Variants in BICDL2 observed in about 807,000 individuals in gnomAD.
BICDL2 encodes the protein BICD family like cargo adaptor 2.
Under a neutral mutation model 56.6 loss-of-function variants are expected in BICDL2, and 62 were observed. The observed-to-expected ratio is 1.10, with a 90% CI of 0.89 to 1.35. BICDL2 has a LOEUF of 1.35. BICDL2 is among the 40% of genes most tolerant of loss of function. BICDL2 has a pLI of 0.00. For synonymous variants in BICDL2, 358 were observed against 319.8 expected, an observed-to-expected ratio of 1.12 and a Z score of -1.27; for missense variants, 808 against 684.5, an observed-to-expected ratio of 1.18 and a Z score of -2.01.
chr16:3,034,783 G>A (rs1302934569), intron 2 of BICDL2: 2 of 159,726 alleles, frequency 1.3e-5, no homozygotes, highest in African/African-American at 2.5e-5. Context: ...ATAGCTTACT[G>A]CAGCCTCAAA....
intron 1 of BICDL2, chr16:3,036,493 G>A (rs748700642): frequency 2.2e-6 from 1 of 456,122 alleles, no homozygotes; most frequent in Non-Finnish European, 4.4e-6. Context: ...TCCTCCTCTC[G>A]CCCGGTGTCC....
Position 3,030,718 on chromosome 16 carries a change from C to CGCGT in BICDL2, c.589_592dup (p.Arg198HisfsTer29). The CGCGT allele has an allele frequency of 6.2e-7, 1 of 1,612,234 alleles. No homozygotes were observed. Among genetic ancestry groups the CGCGT allele is most frequent in the South Asian group, 1.1e-5 (1 of 91,006 alleles). On this transcript the variant is annotated frameshift_variant, in exon 4 of 10. Coordinates refer to ENST00000572449, the MANE Select transcript of BICDL2 (RefSeq NM_001369667.1). LOFTEE classifies it high-confidence loss of function. Reference sequence around the variant, plus strand: ...CACTTCCCCCTGCAGACTCTCCAGCCGCGTCCTCAGCTCTGCTCCAGCCAG... The same window carrying CGCGT: ...CACTTCCCCCTGCAGACTCTCCAGCCGCGTGCGTCCTCAGCTCTGCTCCAGCCAG...
chr16:3,034,085 A>G (rs958712629), intron 2 of BICDL2, among the ~76,000 whole-genome samples: 1 of 152,154 alleles, frequency 6.6e-6, no homozygotes, highest in Admixed American at 6.5e-5. Flanking sequence ...GGCAGAGGGA[A>G]CTGTTCCTAC....
rs749924516 is a variant in BICDL2, at chr16:3,030,816, G to T, written c.499-4C>A. ...GTTCCTGCTCAGTCTGGGAGGCCTG[G>T]GGAGGTGGAAAGAGGGACAGAGGAG... On this transcript the variant is annotated splice_polypyrimidine_tract_variant and splice_region_variant and intron_variant, in intron 3 of 9. Coordinates refer to ENST00000572449, the MANE Select transcript of BICDL2 (RefSeq NM_001369667.1). 6.2e-7 allele frequency: 1 copy of T among 1,603,702 alleles called. No individual in the cohort carries two copies. Among genetic ancestry groups the T allele is most frequent in the South Asian group, 1.1e-5 (1 of 89,774 alleles).
At chr16:3,031,379 TG>T in intron 2 of BICDL2, 3 of 578,264 alleles carry the variant, frequency 5.2e-6, no homozygotes, top group Non-Finnish European at 9.3e-6. Flanking sequence ...GGGCAAGGGT[TG>T]GGGTGGGGGG....
At chr16:3,034,692 C>T (rs1018291296) in intron 2 of BICDL2, among the ~76,000 whole-genome samples, 4 of 115,402 alleles carry the variant, frequency 3.5e-5, no homozygotes, top group African/African-American at 1.4e-4. Context: ...TTCCTTCCTT[C>T]CCCTTCCTTC....
At chr16:3,036,282 C>T (rs1322428496) in intron 1 of BICDL2, 8 of 452,342 alleles carry the variant, frequency 1.8e-5, no homozygotes, top group Admixed American at 1.5e-4. Context: ...ACAGGTTGTG[C>T]CGGCCGCCCG....
chr16:3,028,445 A>T lies in BICDL2; in HGVS notation c.1262T>A (p.Leu421His). ...GTCTCGCTCCAGCGAGACGCGGTTGAGCTGCAGGGACAGCTCCAGGGCCCT... is the reference window on the plus strand; with the variant it reads ...GTCTCGCTCCAGCGAGACGCGGTTGTGCTGCAGGGACAGCTCCAGGGCCCT... ...VNKALELSLQ[L>H]NRVSLERDSL... is the part of the protein sequence containing the mutation. The change falls in exon 9 of 10, where the codon CTC becomes CAC. Residue 421 changes from leucine to histidine, a missense_variant. Transcript: ENST00000572449. 1 of 1,567,228 alleles carries T rather than the reference A, an allele frequency of 6.4e-7. No homozygotes were observed. The highest frequency in any genetic ancestry group is 8.6e-7 in the Non-Finnish European group (1 of 1,165,294).
At chr16:3,028,668 G>C in intron 8 of BICDL2, 32 bp downstream of exon 8, 2 of 1,558,700 alleles carry the variant, frequency 1.3e-6, no homozygotes, top group Admixed American at 1.9e-5. Flanking sequence ...CCCAGAGGGC[G>C]CTGGGGCGGT....
chr16:3,031,462 C>T (rs771568102), intron 2 of BICDL2: 11 of 531,678 alleles, frequency 2.1e-5, no homozygotes, highest in East Asian at 8.9e-5. Flanking sequence ...CCGTTTTTGG[C>T]GCCTGAGTCT....
In BICDL2 at chr16:3,029,748, G is replaced by C. The variant is rs751563787; in HGVS notation, c.763-9C>G. On this transcript the variant is annotated splice_polypyrimidine_tract_variant and intron_variant, in intron 5 of 9. Coordinates refer to ENST00000572449, the MANE Select transcript of BICDL2 (RefSeq NM_001369667.1). ...GACCGTGCGCGTTCCAGCTGTGGAC[G>C]GTCCCGCAGACGGAAGCGCGGGCGG... 4.1e-6 allele frequency: 6 copies of C among 1,466,920 alleles called. No individual in the cohort carries two copies. The African/African-American group carries it at 4.5e-5, about 11-fold the overall frequency. The allele number at this position is 1,466,920 out of a possible 1,614,324, so 90.9% of individuals were successfully genotyped here. A position where few individuals can be genotyped will look rare whatever the true frequency, so the allele number is the denominator to read the frequency against.
At chr16:3,036,537 C>A (rs1447007371) in intron 1 of BICDL2, 5 of 454,954 alleles carry the variant, frequency 1.1e-5, no homozygotes, top group East Asian at 7.0e-5. Flanking sequence ...GTGAGTGTCA[C>A]GGTGGTCCCA....
chr16:3,036,740 C>A (rs996610578), intron 1 of BICDL2, 154 bp downstream of exon 1: 14 of 405,922 alleles, frequency 3.4e-5, no homozygotes, highest in Non-Finnish European at 5.8e-5. Context: ...GGGCTCACCC[C>A]CGACGGCTGA....
chr16:3,028,253 G>T lies in BICDL2; in HGVS notation c.1380C>A (p.Ile460=). 1 of 1,477,310 alleles carries T rather than the reference G, an allele frequency of 6.8e-7. No individual in the cohort carries two copies. The highest frequency in any genetic ancestry group is 8.9e-7 in the Non-Finnish European group (1 of 1,126,902). The allele number at this position is 1,477,310 out of a possible 1,614,324, so 91.5% of individuals were successfully genotyped here. A position where few individuals can be genotyped will look rare whatever the true frequency, so the allele number is the denominator to read the frequency against. ...EAWQDDMQVV[I]GQQLRSQRQK... ...GGCGCTGTGAGCGCAGCTGCTGCCC[G>T]ATCACCACCTGCATGTCGTCCTGCG... Residue 460 remains isoleucine (I), a synonymous_variant, in exon 10 of 10, where the codon ATC becomes ATA. Transcript: ENST00000572449.
rs61747753 is a variant in BICDL2, at chr16:3,031,048, G to T, written c.385C>A (p.Arg129=). The stretch of plus-strand genomic sequence containing the variant: ...GAGCGCTGCTCCCCAAGCTGGGCCC[G>T]CAGGGCCTCCACGTCCCCCTCCAGC... ...VELEGDVEAL[R]AQLGEQRSEQ... The change falls in exon 3 of 10, where the codon CGG becomes AGG. Residue 129 remains arginine, a synonymous_variant. Coordinates refer to ENST00000572449, the MANE Select transcript of BICDL2 (RefSeq NM_001369667.1). 2.6e-6 allele frequency: 4 copies of T among 1,540,148 alleles called. No homozygotes were observed. The highest frequency in any genetic ancestry group is 3.5e-6 in the Non-Finnish European group (4 of 1,148,300).
At chr16:3,035,867 G>A (rs535629631) in intron 1 of BICDL2, 74 of 314,732 alleles carry the variant, frequency 2.4e-4, no homozygotes, top group African/African-American at 1.5e-3. Flanking sequence ...GTAGCCCCTC[G>A]CCATCTGAGA....
chr16:3,028,169 G>C lies in BICDL2; in HGVS notation c.1464C>G (p.Phe488Leu), dbSNP rs1454396321. ...SSTPRRAAPR[F>L]SLRLGPGPAG... ...CGGGCCCGGGGCCCAGGCGCAGCGA[G>C]AAGCGGGGCGCGGCACGGCGCGGGG... The change falls in exon 10 of 10, where the codon TTC (phenylalanine) becomes TTG (leucine). Residue 488 changes from phenylalanine (F) to leucine (L), a missense_variant. Coordinates refer to ENST00000572449, the MANE Select transcript of BICDL2 (RefSeq NM_001369667.1). 2.1e-6 allele frequency: 3 copies of C among 1,450,418 alleles called. No homozygotes were observed. Among genetic ancestry groups the C allele is most frequent in the Admixed American group, 6.3e-5 (2 of 31,846 alleles). 89.8% of individuals were successfully genotyped at this position (1,450,418 alleles called of 1,614,324 possible).
At chr16:3,033,764 G>A (rs1257903502) in intron 2 of BICDL2, among the ~76,000 whole-genome samples, 2 of 151,588 alleles carry the variant, frequency 1.3e-5, no homozygotes, top group Non-Finnish European at 2.9e-5. Context: ...TATAGCCTGG[G>A]TGACAGAGGG....
At chr16:3,036,069 C>A (rs1227912812) in intron 1 of BICDL2, 13 of 335,238 alleles carry the variant, frequency 3.9e-5, no homozygotes, top group Non-Finnish European at 7.6e-5. Context: ...TCTCCTGCTA[C>A]CTCCTGAGCA....
Sources: allele counts gnomAD v4.1 joint callset (sites outside exome capture counted in the v4.1 genomes callset), GRCh38; gene constraint gnomAD v4.1.1; transcripts MANE v1.5; gene names NCBI Gene and HGNC (gene_info 2026-07-23, HGNC 2026-07-21).